Variants in DDX46 observed in about 807,000 individuals in gnomAD.
The protein encoded by DDX46 is probable ATP-dependent RNA helicase DDX46.
A neutral mutation model predicts 134.9 loss-of-function variants in DDX46; 30 were observed. The observed-to-expected ratio is 0.22, with a 90% CI of 0.17 to 0.30. The LOEUF (loss-of-function observed/expected upper bound fraction) is 0.30, where lower values mean the gene tolerates loss of function less well. Ranked by LOEUF, DDX46 falls within the 10% of genes least tolerant of loss-of-function variation. The probability of loss-of-function intolerance (pLI) is 1.00; values close to 1 mark genes in which losing one functional copy is unlikely to be tolerated. For synonymous variants in DDX46, 415 were observed against 404.1 expected (o/e 1.03, Z -0.32); for missense variants, 622 against 1,248.7 (o/e 0.50, Z 7.56).
chr5:134,766,916 G>C lies in DDX46; in HGVS notation c.207-1G>C. On this transcript the variant is annotated splice_acceptor_variant, in intron 2 of 22. Transcript: ENST00000452510. LOFTEE classifies it high-confidence loss of function. The stretch of plus-strand genomic sequence containing the variant: ...ATAAATGAAAAGTGTCCCCCTTTCA[G>C]ACGTTCCAGAAGTAGAGAGAGAGAC... The C allele has an allele frequency of 6.2e-7, 1 of 1,610,244 alleles. No homozygotes were observed. Among genetic ancestry groups the C allele is most frequent in the Non-Finnish European group, 8.5e-7 (1 of 1,178,954 alleles).
In DDX46 at chr5:134,792,004, C is replaced by T. The variant is rs570926671; in HGVS notation, c.1626+1452C>T. 7.5e-4 allele frequency among the ~76,000 whole-genome samples: 114 copies of T among 152,154 alleles called. 1 individual carries two copies. The highest frequency in any genetic ancestry group is 2.1e-3 in the African/African-American group (86 of 41,524). On this transcript the variant is annotated intron_variant, in intron 13 of 22. Coordinates refer to ENST00000452510, the MANE Select transcript of DDX46 (RefSeq NM_001300860.2). ...CTAGCCTGGCCAACATCGTGAAACC[C>T]CGTTTCTACTAAAAATACAAAAATT... is the stretch of plus-strand genomic sequence containing the variant.
At chr5:134,763,841 G>T in intron 1 of DDX46, 63 bp from the exon 2 acceptor site, 5 of 1,459,488 alleles carry the variant, frequency 3.4e-6, no homozygotes, top group Non-Finnish European at 4.6e-6. Context: ...TAGAAAAAAT[G>T]TAATAAAATG....
intron 6 of DDX46, among the ~76,000 whole-genome samples, chr5:134,779,441 G>C (rs1754062732): frequency 1.3e-5 from 2 of 152,166 alleles, no homozygotes; most frequent in African/African-American, 4.8e-5. Flanking sequence ...TGATCTGTCT[G>C]CCTTGGCCTC....
At chr5:134,769,976 A>G (rs976469358) in intron 3 of DDX46, among the ~76,000 whole-genome samples, 3 of 151,836 alleles carry the variant, frequency 2.0e-5, no homozygotes, top group African/African-American at 7.3e-5. Context: ...GTGTTTGTTA[A>G]TGGAATATGA....
intron 19 of DDX46, 185 bp from the exon 20 acceptor site, chr5:134,817,311 A>G (rs1247915738): frequency 2.5e-5 from 14 of 570,358 alleles, no homozygotes; most frequent in Admixed American, 7.1e-5. Context: ...ACTAGGAGGT[A>G]CATTAAACTA....
In DDX46 at chr5:134,788,603, G is replaced by A. The variant is rs1359659292; in HGVS notation, c.1543+12G>A. 3.1e-6 allele frequency: 5 copies of A among 1,610,258 alleles called. No homozygotes were observed. Among genetic ancestry groups the A allele is most frequent in the Admixed American group, 3.4e-5 (2 of 59,298 alleles). On this transcript the variant is annotated intron_variant, in intron 12 of 22. Transcript: ENST00000452510. ...AGCCGCTAACAGTGGTAAGTCAGGG[G>A]TATTTTTTTGGTGTCTTTTATTTTT... is the stretch of plus-strand genomic sequence containing the variant.
intron 21 of DDX46, among the ~76,000 whole-genome samples, chr5:134,822,297 C>T (rs1157202500): frequency 1.3e-5 from 2 of 152,114 alleles, no homozygotes; most frequent in East Asian, 3.9e-4. Flanking sequence ...CCTATACAGT[C>T]CCATCTATTT....
chr5:134,784,277 G>A (rs1754265485), intron 9 of DDX46, 89 bp from the exon 10 acceptor site: 6 of 1,386,882 alleles, frequency 4.3e-6, no homozygotes, highest in Non-Finnish European at 4.8e-6. Context: ...CCACCTTTTG[G>A]AAGTTCATTT....
chr5:134,805,595 C>G (rs1754962188), intron 15 of DDX46, among the ~76,000 whole-genome samples: 1 of 151,098 alleles, frequency 6.6e-6, no homozygotes. Flanking sequence ...GTGGCATGAT[C>G]TTGGCTCACG....
chr5:134,788,065 T>C (rs1420525948), intron 11 of DDX46, among the ~76,000 whole-genome samples: 1 of 149,116 alleles, frequency 6.7e-6, no homozygotes, highest in Non-Finnish European at 1.5e-5. Context: ...ACTGTTAAAG[T>C]GATTTCATGA....
chr5:134,769,782 T>A (rs1753702554), intron 3 of DDX46, among the ~76,000 whole-genome samples: 1 of 149,464 alleles, frequency 6.7e-6, no homozygotes, highest in African/African-American at 2.6e-5. Context: ...CCTAACCTCA[T>A]GTGATCCACC....
chr5:134,807,413 G>A (rs1184619052), intron 15 of DDX46, among the ~76,000 whole-genome samples: 3 of 152,120 alleles, frequency 2.0e-5, no homozygotes, highest in African/African-American at 7.2e-5. Flanking sequence ...ACAGGGAAAG[G>A]AGAAAGATCT....
chr5:134,788,496 T>C lies in DDX46; in HGVS notation c.1465-17T>C. The C allele has an allele frequency of 1.9e-6, 3 of 1,608,372 alleles. No individual in the cohort carries two copies. Among genetic ancestry groups the C allele is most frequent in the Non-Finnish European group, 2.6e-6 (3 of 1,175,548 alleles). On this transcript the variant is annotated splice_polypyrimidine_tract_variant and intron_variant, in intron 11 of 22. Coordinates refer to ENST00000452510, the MANE Select transcript of DDX46 (RefSeq NM_001300860.2). Reference sequence around the variant, plus strand: ...AAGCATTAGTAATAGACTATAAAGTTTCATCTTTTTTATTAGATTGCTGAG... The same window carrying C: ...AAGCATTAGTAATAGACTATAAAGTCTCATCTTTTTTATTAGATTGCTGAG...
chr5:134,773,680 C>T lies in DDX46; in HGVS notation c.448-16C>T. The T allele has an allele frequency of 1.3e-6, 2 of 1,555,990 alleles. No homozygotes were observed. The highest frequency in any genetic ancestry group is 1.2e-5 in the South Asian group (1 of 81,906). ...TTTATTTTCCCCCATCTCTTTCTTT[C>T]TTTTATTCCCCCAAGAACTTTGACC... On this transcript the variant is annotated splice_polypyrimidine_tract_variant and intron_variant, in intron 4 of 22. Transcript: ENST00000452510.
At chr5:134,818,489 G>A (rs565117584) in intron 20 of DDX46, among the ~76,000 whole-genome samples, 56 of 150,506 alleles carry the variant, frequency 3.7e-4, no homozygotes, top group African/African-American at 1.2e-3. Context: ...ATCACCTGAG[G>A]TCGGGAGGTC....
intron 12 of DDX46, chr5:134,790,235 C>T (rs1397848887): frequency 1.2e-5 from 7 of 607,440 alleles, no homozygotes; most frequent in South Asian, 6.2e-5. Context: ...ATGCAAGAGA[C>T]GAGTTTGACA....
At chr5:134,811,089 G>A (rs1755129394) in intron 16 of DDX46, 132 bp from the exon 17 acceptor site, 2 of 696,972 alleles carry the variant, frequency 2.9e-6, no homozygotes, top group South Asian at 2.9e-5. Flanking sequence ...AGACTCTTTC[G>A]TGGCTTTTAA....
Position 134,782,992 on chromosome 5 carries a change from A to G in DDX46, c.1093A>G (p.Lys365Glu). Reference sequence around the variant, plus strand: ...AATGGAGGGCATTACAGTTAAAGGAAAAGGTTGCCCCAAACCAATTAAATC... The same window carrying G: ...AATGGAGGGCATTACAGTTAAAGGAGAAGGTTGCCCCAAACCAATTAAATC... Reference protein sequence around the residue: ...LEMEGITVKGKGCPKPIKSWV... With the variant: ...LEMEGITVKGEGCPKPIKSWV... The change falls in exon 9 of 23, where the codon AAA becomes GAA. Residue 365 changes from lysine (K) to glutamate (E), a missense_variant. Lys to Glu is a moderately conservative substitution (Grantham distance 56). This residue lies in a region of DDX46 where 63 missense variants were observed against 84.0 expected (regional missense o/e 0.75). Transcript: ENST00000452510. The G allele has an allele frequency of 1.2e-6, 2 of 1,613,860 alleles. No homozygotes were observed. The highest frequency in any genetic ancestry group is 1.7e-6 in the Non-Finnish European group (2 of 1,179,834).
chr5:134,784,959 A>G (rs1754284752), intron 10 of DDX46, among the ~76,000 whole-genome samples: 1 of 152,222 alleles, frequency 6.6e-6, no homozygotes, highest in African/African-American at 2.4e-5. Flanking sequence ...ATTCAAGATT[A>G]CTTGTTTAGA....
Sources: gnomAD v4.1 joint callset for allele counts (sites outside exome capture counted in the v4.1 genomes callset) on GRCh38, gnomAD v4.1.1 for gene constraint, gnomAD v4.1.1 regional missense constraint, MANE v1.5 for transcripts, NCBI Gene and HGNC (gene_info 2026-07-23, HGNC 2026-07-21) for gene names.